The following CDH13 variants were observed in gnomAD, a reference collection of about 807,000 sequenced individuals.
CDH13 encodes the protein cadherin 13.
In CDH13, 24 loss-of-function variants were observed where a neutral mutation model predicts 63.8. The observed-to-expected ratio is 0.38, with a 90% CI of 0.27 to 0.53. The LOEUF is 0.53. CDH13 is among the 20% of genes least tolerant of loss of function. CDH13 has a pLI of 0.85. For missense variants in CDH13, 1,049 were observed against 903.1 expected, an observed-to-expected ratio of 1.16 and a Z score of -2.07; for synonymous variants, 503 against 355.3, an observed-to-expected ratio of 1.42 and a Z score of -4.67.
At chr16:83,462,421 G>C (rs963491759) in intron 6 of CDH13, among the ~76,000 whole-genome samples, 4 of 152,188 alleles carry the variant, frequency 2.6e-5, no homozygotes, top group African/African-American at 9.7e-5. Context: ...ACAAGGGTCA[G>C]GGACAGCTTA....
intron 3 of CDH13, among the ~76,000 whole-genome samples, chr16:83,077,702 T>C (rs1298708727): frequency 6.6e-6 from 1 of 152,172 alleles, no homozygotes; most frequent in Non-Finnish European, 1.5e-5. Context: ...TATAGACCTG[T>C]TTTTCTTTCG....
intron 1 of CDH13, among the ~76,000 whole-genome samples, chr16:82,746,864 A>G (rs2034198992): frequency 6.6e-6 from 1 of 152,170 alleles, no homozygotes; most frequent in South Asian, 2.1e-4. Context: ...ATCACTTATA[A>G]TGTAACTCCC....
chr16:83,744,615 T>A (rs1421542444), intron 10 of CDH13, among the ~76,000 whole-genome samples: 36 of 152,260 alleles, frequency 2.4e-4, no homozygotes, highest in Middle Eastern at 3.4e-3. Context: ...GGGGACCGTG[T>A]GAGTCACATC....
intron 4 of CDH13, among the ~76,000 whole-genome samples, chr16:83,178,831 G>C (rs2038232306): frequency 6.6e-6 from 1 of 151,950 alleles, no homozygotes; most frequent in South Asian, 2.1e-4. Flanking sequence ...TGCTCATTAA[G>C]ATGCACAAAT....
intron 1 of CDH13, among the ~76,000 whole-genome samples, chr16:82,672,044 C>T (rs9938576): frequency 1.3e-5 from 2 of 151,916 alleles, no homozygotes; most frequent in African/African-American, 4.8e-5. Context: ...ATTAGCTTCT[C>T]TTCTACACTC....
intron 6 of CDH13, among the ~76,000 whole-genome samples, chr16:83,394,603 G>A (rs543948670): frequency 5.9e-5 from 9 of 152,316 alleles, no homozygotes; most frequent in African/African-American, 1.9e-4. Context: ...ATGGTGAGCC[G>A]CCAAGGTTTT....
At chr16:83,554,666 C>G (rs1332316564) in intron 7 of CDH13, among the ~76,000 whole-genome samples, 1 of 152,058 alleles carries the variant, frequency 6.6e-6, no homozygotes, top group African/African-American at 2.4e-5. Flanking sequence ...CAAAGGCCAT[C>G]ACAACCTTAC....
At chr16:83,011,619 A>G (rs888891518) in intron 2 of CDH13, among the ~76,000 whole-genome samples, 7 of 152,182 alleles carry the variant, frequency 4.6e-5, no homozygotes, top group African/African-American at 1.7e-4. Context: ...GCATACACAC[A>G]TATCACTGAG....
At chr16:83,340,063 C>T (rs953625270) in intron 5 of CDH13, among the ~76,000 whole-genome samples, 1 of 152,192 alleles carries the variant, frequency 6.6e-6, no homozygotes, top group Non-Finnish European at 1.5e-5. Context: ...TCTGGGACCT[C>T]TCCATTATAC....
At chr16:83,529,633 T>G (rs112233088) in intron 7 of CDH13, among the ~76,000 whole-genome samples, 1,863 of 152,256 alleles carry the variant, frequency 0.012, 14 homozygotes, top group Non-Finnish European at 0.02. Flanking sequence ...GTAAGGATAG[T>G]AAAAGACATG....
intron 7 of CDH13, among the ~76,000 whole-genome samples, chr16:83,503,644 C>A (rs1220342529): frequency 6.6e-6 from 1 of 152,098 alleles, no homozygotes; most frequent in Non-Finnish European, 1.5e-5. Context: ...GATGCTTGAC[C>A]AGTGACGATG....
chr16:83,329,753 C>T (rs1234459763), intron 5 of CDH13, among the ~76,000 whole-genome samples: 3 of 152,116 alleles, frequency 2.0e-5, no homozygotes, highest in African/African-American at 7.2e-5. Context: ...TTAGAGAGCT[C>T]ATATAAGTGG....
chr16:83,096,393 G>C (rs1476071410), intron 3 of CDH13, among the ~76,000 whole-genome samples: 1 of 152,168 alleles, frequency 6.6e-6, no homozygotes, highest in African/African-American at 2.4e-5. Flanking sequence ...TAATTCCCCT[G>C]TTCCTGGGAA....
intron 8 of CDH13, among the ~76,000 whole-genome samples, chr16:83,628,136 C>A (rs1386580650): frequency 6.6e-6 from 1 of 152,190 alleles, no homozygotes; most frequent in African/African-American, 2.4e-5. Context: ...TATCCTGTGC[C>A]AACCTCCCAT....
intron 2 of CDH13, among the ~76,000 whole-genome samples, chr16:82,929,333 G>A (rs901311121): frequency 9.9e-5 from 15 of 151,832 alleles, no homozygotes; most frequent in African/African-American, 3.4e-4. Context: ...CAGTGAACTC[G>A]CTCGTCCTTT....
At chr16:83,717,379 T>C (rs17770088) in intron 10 of CDH13, among the ~76,000 whole-genome samples, 16,855 of 152,302 alleles carry the variant, frequency 0.11, 1,158 homozygotes, top group Admixed American at 0.16. Context: ...TCTTCTCCCA[T>C]TGGGTTCAGT....
intron 5 of CDH13, among the ~76,000 whole-genome samples, chr16:83,226,516 C>G (rs1394098554): frequency 1.3e-5 from 2 of 152,204 alleles, no homozygotes; most frequent in African/African-American, 2.4e-5. Context: ...GGCCCACACT[C>G]GGTACTTAGC....
intron 7 of CDH13, among the ~76,000 whole-genome samples, chr16:83,500,288 C>G (rs1268353790): frequency 3.9e-4 from 1 of 2,540 alleles, no homozygotes; most frequent in Admixed American, 0.01. Flanking sequence ...TCTTCTTCTT[C>G]TTCTTCTCCT....
intron 1 of CDH13, among the ~76,000 whole-genome samples, chr16:82,656,918 CT>C (rs200722234): frequency 0.09 from 11,820 of 130,974 alleles, 547 homozygotes; most frequent in East Asian, 0.26. Flanking sequence ...TTTGGTAGCT[CT>C]TTTTTTTTTT....
Sources: gnomAD v4.1 joint callset for allele counts (sites outside exome capture counted in the v4.1 genomes callset) on GRCh38, gnomAD v4.1.1 for gene constraint, MANE v1.5 for transcripts, NCBI Gene and HGNC (gene_info 2026-07-23, HGNC 2026-07-21) for gene names.